KDM1A: variants seen among roughly 807,000 people sequenced by gnomAD.
KDM1A encodes lysine demethylase 1A.
A neutral mutation model predicts 109.4 loss-of-function variants in KDM1A; 49 were observed. The observed-to-expected ratio is 0.45, with a 90% CI of 0.36 to 0.57. The LOEUF (loss-of-function observed/expected upper bound fraction) is 0.57, where lower values mean the gene tolerates loss of function less well. KDM1A is among the 20% of genes least tolerant of loss of function. The probability of loss-of-function intolerance (pLI) is 0.00; values close to 1 mark genes in which losing one functional copy is unlikely to be tolerated. For missense variants in KDM1A, 668 were observed against 1,116.6 expected (o/e 0.60, Z 5.73); for synonymous variants, 380 against 415.4 (o/e 0.91, Z 1.04).
At chr1:23,033,212 G>T (rs1036769574) in intron 2 of KDM1A, among the ~76,000 whole-genome samples, 6 of 152,156 alleles carry the variant, frequency 3.9e-5, no homozygotes, top group African/African-American at 1.4e-4. Flanking sequence ...TTTTTAAAAG[G>T]CAATCACTAG....
At position 23,019,653 on chromosome 1, in the gene KDM1A, C is replaced by T. The variant is rs1251554692; in HGVS notation, c.57C>T (p.Thr19=). ...CGGCGGCGGCTGCAGCGGCAGCAAC[C>T]GGGACGGAGGCTGGCCCTGGGACAG... The part of the protein sequence containing the change: ...AAAAAAAAAA[T]GTEAGPGTAG... Residue 19 remains threonine (T), a synonymous_variant, in exon 1 of 21, where the codon ACC becomes ACT. Coordinates refer to ENST00000400181, the MANE Select transcript of KDM1A (RefSeq NM_001009999.3). The T allele has an allele frequency of 3.6e-6, 5 of 1,407,990 alleles. No individual in the cohort carries two copies. The highest frequency in any genetic ancestry group is 4.6e-6 in the Non-Finnish European group (5 of 1,087,920). 87.2% of individuals were successfully genotyped at this position (1,407,990 alleles called of 1,614,324 possible).
chr1:23,043,714 A>G (rs1642420998), intron 2 of KDM1A, among the ~76,000 whole-genome samples: 1 of 152,238 alleles, frequency 6.6e-6, no homozygotes, highest in Non-Finnish European at 1.5e-5. Flanking sequence ...TTACTTCTAC[A>G]TATTAATCAG....
At chr1:23,061,100 G>A (rs2124484681) in intron 9 of KDM1A, among the ~76,000 whole-genome samples, 1 of 152,298 alleles carries the variant, frequency 6.6e-6, no homozygotes, top group East Asian at 1.9e-4. Flanking sequence ...GGTATTAGAT[G>A]AGCTTTAGCG....
chr1:23,072,686 C>T (rs1476443766), intron 14 of KDM1A, among the ~76,000 whole-genome samples: 3 of 152,284 alleles, frequency 2.0e-5, no homozygotes, highest in East Asian at 3.9e-4. Flanking sequence ...GCTCTTGTTG[C>T]CCAGGCTGGA....
intron 9 of KDM1A, among the ~76,000 whole-genome samples, chr1:23,065,405 C>G (rs1643133065): frequency 6.6e-6 from 1 of 152,066 alleles, no homozygotes; most frequent in Non-Finnish European, 1.5e-5. Flanking sequence ...TGGTTTTCTC[C>G]CAGTCAGTAT....
At chr1:23,020,020 G>A in intron 1 of KDM1A, 73 bp downstream of exon 1, 1 of 1,365,052 alleles carries the variant, frequency 7.3e-7, no homozygotes, top group Non-Finnish European at 9.5e-7. Context: ...GCCCTCCCCC[G>A]CCGCCGCCGG....
chr1:23,071,037 A>G (rs947304909), intron 12 of KDM1A, among the ~76,000 whole-genome samples, 188 bp from the exon 13 acceptor site: 2 of 152,186 alleles, frequency 1.3e-5, no homozygotes, highest in Non-Finnish European at 2.9e-5. Context: ...AAGCCCTATA[A>G]GATTTCTTTC....
At chr1:23,062,969 C>T (rs1163839332) in intron 9 of KDM1A, among the ~76,000 whole-genome samples, 1 of 151,994 alleles carries the variant, frequency 6.6e-6, no homozygotes, top group African/African-American at 2.4e-5. Flanking sequence ...TTTAATTGGA[C>T]ATGCGGAAGG....
At chr1:23,064,342 C>G (rs1420380078) in intron 9 of KDM1A, among the ~76,000 whole-genome samples, 1 of 152,200 alleles carries the variant, frequency 6.6e-6, no homozygotes, top group Non-Finnish European at 1.5e-5. Context: ...ATGAACTAAT[C>G]TTAATCTTCT....
chr1:23,022,303 G>T (rs1418037569), intron 1 of KDM1A, among the ~76,000 whole-genome samples: 1 of 148,142 alleles, frequency 6.8e-6, no homozygotes, highest in East Asian at 2.0e-4. Context: ...GAGGGTTCCA[G>T]TTTCTCCAAT....
intron 12 of KDM1A, among the ~76,000 whole-genome samples, chr1:23,070,604 C>T (rs6668936): frequency 0.04 from 6,060 of 152,072 alleles, 412 homozygotes; most frequent in African/African-American, 0.14. Context: ...GTCAAGAGAT[C>T]GAGACCATTC....
chr1:23,056,951 A>C (rs1208528446), intron 7 of KDM1A, among the ~76,000 whole-genome samples: 1 of 152,110 alleles, frequency 6.6e-6, no homozygotes, highest in Non-Finnish European at 1.5e-5. Flanking sequence ...TATTGTGAAC[A>C]GGCTATGTTC....
chr1:23,024,782 T>C (rs1378841958), intron 1 of KDM1A, among the ~76,000 whole-genome samples: 2 of 152,252 alleles, frequency 1.3e-5, no homozygotes, highest in Non-Finnish European at 2.9e-5. Flanking sequence ...TTCATCTTCC[T>C]CTGATTCATT....
chr1:23,065,815 C>T (rs1027252298), intron 9 of KDM1A, among the ~76,000 whole-genome samples: 2 of 152,040 alleles, frequency 1.3e-5, no homozygotes, highest in Admixed American at 1.3e-4. Context: ...ACTTCCCCCT[C>T]ACTCCCCTGT....
intron 14 of KDM1A, 130 bp from the exon 15 acceptor site, chr1:23,073,162 G>T: frequency 3.5e-6 from 2 of 567,896 alleles, no homozygotes; most frequent in African/African-American, 3.7e-5. Flanking sequence ...GCTACTTTTT[G>T]ATTTGTAATT....
intron 15 of KDM1A, among the ~76,000 whole-genome samples, chr1:23,076,419 A>C (rs751205383): frequency 2.0e-4 from 31 of 152,198 alleles, no homozygotes; most frequent in Non-Finnish European, 4.0e-4. Flanking sequence ...TGACTGACTT[A>C]GTTTTGGAAA....
In KDM1A at chr1:23,032,589, A is replaced by C. The variant is rs527432230; in HGVS notation, c.517+1955A>C. Among the ~76,000 whole-genome samples, 38 of 152,142 alleles carry C rather than the reference A, an allele frequency of 2.5e-4. 1 individual carries two copies. The South Asian group carries it at 3.9e-3, about 16-fold the overall frequency. On this transcript the variant is annotated intron_variant, in intron 2 of 20. Coordinates refer to ENST00000400181, the MANE Select transcript of KDM1A (RefSeq NM_001009999.3). ...AACAGCCAGAACTTACTAATATATT[A>C]TTTGTGGTTATGAAAATAGTGATTC... is the stretch of plus-strand genomic sequence containing the variant.
At chr1:23,048,810 T>G (rs1191771596) in intron 3 of KDM1A, among the ~76,000 whole-genome samples, 1 of 152,134 alleles carries the variant, frequency 6.6e-6, no homozygotes, top group Non-Finnish European at 1.5e-5. Context: ...TTAGTTTTGC[T>G]TCCATTATCA....
intron 3 of KDM1A, among the ~76,000 whole-genome samples, chr1:23,047,309 G>A (rs1181747043): frequency 6.6e-6 from 1 of 152,044 alleles, no homozygotes; most frequent in African/African-American, 2.4e-5. Flanking sequence ...CCAAAGGGAA[G>A]GAAATAATTA....
Sources: allele counts gnomAD v4.1 joint callset (sites outside exome capture counted in the v4.1 genomes callset), GRCh38; gene constraint gnomAD v4.1.1; transcripts MANE v1.5; gene names NCBI Gene and HGNC (gene_info 2026-07-23, HGNC 2026-07-21).